TAF3: variants seen among roughly 807,000 people sequenced by gnomAD.
TAF3 encodes TATA-box binding protein associated factor 3.
TAF3 carries 7 observed loss-of-function variants against 80.6 expected under a neutral mutation model. That is an observed-to-expected ratio of 0.09 (90% CI 0.05 to 0.16). The LOEUF (loss-of-function observed/expected upper bound fraction) is 0.16. Among genes scored for constraint, TAF3 ranks in the 10% least tolerant of loss-of-function variants. The probability of loss-of-function intolerance (pLI) is 1.00; values close to 1 mark genes in which losing one functional copy is unlikely to be tolerated. For missense variants in TAF3, 921 were observed against 1,140.2 expected, an observed-to-expected ratio of 0.81 and a Z score of 2.77; for synonymous variants, 444 against 446.1, an observed-to-expected ratio of 1.00 and a Z score of 0.06.
At chr10:7,871,708 T>A (rs1239515559) in intron 2 of TAF3, among the ~76,000 whole-genome samples, 1 of 152,056 alleles carries the variant, frequency 6.6e-6, no homozygotes, top group Non-Finnish European at 1.5e-5. Flanking sequence ...CCTCCCAAAG[T>A]GCTGGAATTA....
chr10:7,840,498 A>G (rs1396202581), intron 2 of TAF3, among the ~76,000 whole-genome samples: 5 of 150,898 alleles, frequency 3.3e-5, no homozygotes, highest in African/African-American at 7.3e-5. Context: ...AAATTTGTCT[A>G]CTTCTCTCTT....
At chr10:7,834,243 G>A (rs750437687) in intron 2 of TAF3, among the ~76,000 whole-genome samples, 12 of 152,168 alleles carry the variant, frequency 7.9e-5, no homozygotes, top group Non-Finnish European at 1.5e-4. Flanking sequence ...GTCACCCTGC[G>A]CTTTTGGGGC....
intron 2 of TAF3, among the ~76,000 whole-genome samples, chr10:7,836,011 A>G (rs1015173016): frequency 2.6e-5 from 4 of 152,024 alleles, no homozygotes; most frequent in Non-Finnish European, 5.9e-5. Context: ...CTTCAGCGCC[A>G]TCATACTCCC....
chr10:7,877,517 T>C (rs1837322171), intron 2 of TAF3, among the ~76,000 whole-genome samples: 1 of 152,200 alleles, frequency 6.6e-6, no homozygotes, highest in African/African-American at 2.4e-5. Context: ...GTTATTTAAT[T>C]CCTAAATATT....
In TAF3 at chr10:8,009,154, G is replaced by A; in HGVS notation, c.2392G>A (p.Ala798Thr). 1 of 1,569,066 alleles carries A rather than the reference G, an allele frequency of 6.4e-7. No individual in the cohort carries two copies. Among genetic ancestry groups the A allele is most frequent in the Non-Finnish European group, 8.6e-7 (1 of 1,158,234 alleles). The stretch of plus-strand genomic sequence containing the variant: ...GAACAGGCCGAAGACCCCACCGCCG[G>A]CCCCCGCGCCCGCCCCCGGCCCCAT... ...SQNRPKTPPPAPAPAPGPMLV... is the reference protein window; with the variant it reads ...SQNRPKTPPPTPAPAPGPMLV... Residue 798 changes from alanine to threonine, a missense_variant, in exon 5 of 7, where the codon GCC becomes ACC. Physicochemically the swap from Ala to Thr is moderately conservative, Grantham distance 58 (BLOSUM62 0). Around this residue, in one of 6 missense-constraint regions of TAF3, gnomAD observed 743 missense variants for 821.0 expected, o/e 0.90. Coordinates refer to ENST00000344293, the MANE Select transcript of TAF3 (RefSeq NM_031923.4). The surrounding 1 kb of genome is among the most constrained non-coding windows in gnomAD (Gnocchi z 4.1).
intron 2 of TAF3, among the ~76,000 whole-genome samples, chr10:7,910,547 A>G (rs1399761269): frequency 6.6e-6 from 1 of 151,962 alleles, no homozygotes; most frequent in Admixed American, 6.6e-5. Flanking sequence ...CGCCTGGCTA[A>G]TATTTGTATT....
chr10:7,988,236 G>T (rs976784961), intron 4 of TAF3, among the ~76,000 whole-genome samples: 1 of 152,060 alleles, frequency 6.6e-6, no homozygotes, highest in Non-Finnish European at 1.5e-5. Context: ...ATCGCTTGAG[G>T]CTGGGAGTTT....
At chr10:7,963,819 A>G (rs1831537474) in intron 2 of TAF3, 101 bp from the exon 3 acceptor site, 2 of 1,215,344 alleles carry the variant, frequency 1.6e-6, no homozygotes, top group South Asian at 3.5e-5. Context: ...AATAAAAAAG[A>G]AAGAAAAAAG....
At chr10:7,859,300 AAATAAATAAATAAAT>A (rs1837119483) in intron 2 of TAF3, among the ~76,000 whole-genome samples, 1 of 126,152 alleles carries the variant, frequency 7.9e-6, no homozygotes, top group Non-Finnish European at 1.7e-5. Context: ...ATAAATAAAT[AAATAAATAAATAAAT>A]AAAAGAGAAG....
chr10:7,853,058 A>G (rs1837044309), intron 2 of TAF3, among the ~76,000 whole-genome samples: 1 of 152,224 alleles, frequency 6.6e-6, no homozygotes, highest in Non-Finnish European at 1.5e-5. Context: ...ATATGAGACC[A>G]GTGGTGTGTT....
chr10:7,912,582 T>TA (rs1837666659), intron 2 of TAF3, among the ~76,000 whole-genome samples: 1 of 152,218 alleles, frequency 6.6e-6, no homozygotes, highest in African/African-American at 2.4e-5. Flanking sequence ...CTTCTGGTTA[T>TA]AAAAAACTAT....
chr10:7,986,596 G>C (rs1831780045), intron 4 of TAF3, among the ~76,000 whole-genome samples: 1 of 152,158 alleles, frequency 6.6e-6, no homozygotes, highest in Non-Finnish European at 1.5e-5. Context: ...CCAAGGAAAG[G>C]CCTTGTCCTA....
intron 1 of TAF3, among the ~76,000 whole-genome samples, chr10:7,822,396 A>C (rs1268725901): frequency 6.6e-6 from 1 of 152,132 alleles, no homozygotes; most frequent in Non-Finnish European, 1.5e-5. Flanking sequence ...AATAGAAGAG[A>C]TGAAATGCCT....
intron 3 of TAF3, among the ~76,000 whole-genome samples, chr10:7,969,842 G>C (rs957503736): frequency 6.6e-6 from 1 of 152,182 alleles, no homozygotes; most frequent in Admixed American, 6.5e-5. Context: ...GGAAATTCCA[G>C]CTCTGCCACT....
intron 2 of TAF3, among the ~76,000 whole-genome samples, chr10:7,884,112 C>T (rs1025777265): frequency 3.9e-5 from 6 of 152,186 alleles, no homozygotes; most frequent in Admixed American, 2.0e-4. Flanking sequence ...CCCCGCCTCT[C>T]AATACTGCCA....
chr10:7,861,935 G>C (rs1837152459), intron 2 of TAF3, among the ~76,000 whole-genome samples: 1 of 152,010 alleles, frequency 6.6e-6, no homozygotes, highest in Non-Finnish European at 1.5e-5. Context: ...ACTTGTGTTA[G>C]ACCTTTTGAT....
At chr10:7,839,173 A>G (rs565523527) in intron 2 of TAF3, among the ~76,000 whole-genome samples, 4 of 152,126 alleles carry the variant, frequency 2.6e-5, no homozygotes, top group African/African-American at 9.6e-5. Flanking sequence ...ATAACTATGT[A>G]CCTGGGTCAG....
chr10:8,003,541 G>A (rs568377484), intron 4 of TAF3, among the ~76,000 whole-genome samples: 1 of 152,272 alleles, frequency 6.6e-6, no homozygotes, highest in East Asian at 1.9e-4. Flanking sequence ...GTGCTAAACA[G>A]AGCAATAAAT....
intron 4 of TAF3, among the ~76,000 whole-genome samples, chr10:7,985,634 A>G (rs900467410): frequency 2.0e-5 from 3 of 152,232 alleles, no homozygotes; most frequent in South Asian, 2.1e-4. Context: ...ATGCTTCCCA[A>G]TTCCCAGTTC....
Sources: allele counts gnomAD v4.1 joint callset (sites outside exome capture counted in the v4.1 genomes callset), GRCh38; gene constraint gnomAD v4.1.1; regional missense constraint gnomAD v4.1.1; non-coding constraint Gnocchi (gnomAD v3.1); transcripts MANE v1.5; gene names NCBI Gene and HGNC (gene_info 2026-07-23, HGNC 2026-07-21).